Variants in TMEM39A observed in about 807,000 individuals in gnomAD.
The protein encoded by TMEM39A is suppressor of SQST-1 aggregates in rpl-43 mutants.
In TMEM39A, 19 loss-of-function variants were observed where a neutral mutation model predicts 51.9. That is an observed-to-expected ratio of 0.37 (90% CI 0.26 to 0.54). The LOEUF is 0.54. Ranked by LOEUF, TMEM39A falls within the 20% of genes least tolerant of loss-of-function variation. The probability of loss-of-function intolerance (pLI) is 0.88; values close to 1 mark genes in which losing one functional copy is unlikely to be tolerated. For missense variants in TMEM39A, 433 were observed against 590.5 expected (o/e 0.73, Z 2.76); for synonymous variants, 197 against 220.2 (o/e 0.89, Z 0.93).
Position 119,463,615 on chromosome 3 carries a change from G to T in TMEM39A, c.-354C>A. 2 of 398,806 alleles carry T rather than the reference G, an allele frequency of 5.0e-6. No individual in the cohort carries two copies. The highest frequency in any genetic ancestry group is 7.1e-5 in the East Asian group (2 of 28,082). The allele number at this position is 398,806 out of a possible 1,614,324, so 24.7% of individuals were successfully genotyped here. A position where few individuals can be genotyped will look rare whatever the true frequency, so the allele number is the denominator to read the frequency against. ...CCCTAGCCTCCATTACCGCGGAGCTGAGCAGACGTGGCAGCGCACGGCGAT... is the reference window on the plus strand; with the variant it reads ...CCCTAGCCTCCATTACCGCGGAGCTTAGCAGACGTGGCAGCGCACGGCGAT... On this transcript the variant is annotated 5_prime_UTR_variant, in exon 1 of 9. Transcript: ENST00000319172.
At chr3:119,440,386 CAT>C (rs937989706) in intron 5 of TMEM39A, among the ~76,000 whole-genome samples, 31 of 152,240 alleles carry the variant, frequency 2.0e-4, no homozygotes, top group African/African-American at 7.5e-4. Context: ...GGGTTAGTAA[CAT>C]GATTAAATTT....
At position 119,462,046 on chromosome 3, in the gene TMEM39A, C is replaced by T. The variant is rs2081345972; in HGVS notation, c.29G>A (p.Arg10Gln). Residue 10 changes from arginine to glutamine, a missense_variant, in exon 2 of 9, where the codon CGG (arginine) becomes CAG (glutamine). Arg to Gln is a conservative substitution (Grantham distance 43). This residue lies in a region of TMEM39A where 170 missense variants were observed against 239.8 expected (regional missense o/e 0.71). Transcript: ENST00000319172. ...TAAAGCTGAACGGCTTAGCTGTTGCCGACTAGGGCCCCTCCTTCCACCGGG... is the reference window on the plus strand; with the variant it reads ...TAAAGCTGAACGGCTTAGCTGTTGCTGACTAGGGCCCCTCCTTCCACCGGG... Reference protein sequence around the residue: MPGGRRGPSRQQLSRSALPS... With the variant: MPGGRRGPSQQQLSRSALPS... 1.2e-6 allele frequency: 2 copies of T among 1,614,076 alleles called. No individual in the cohort carries two copies. Among genetic ancestry groups the T allele is most frequent in the Non-Finnish European group, 1.7e-6 (2 of 1,179,980 alleles).
At chr3:119,451,430 C>T (rs1281984051) in intron 4 of TMEM39A, 3 of 571,750 alleles carry the variant, frequency 5.2e-6, no homozygotes, top group South Asian at 3.4e-5. Flanking sequence ...AAATTATTAG[C>T]CACTTCAGCT....
chr3:119,452,594 CAAG>C (rs1232073953), intron 3 of TMEM39A, 64 bp from the exon 4 acceptor site: 15 of 1,302,606 alleles, frequency 1.2e-5, no homozygotes, highest in Non-Finnish European at 1.6e-5. Flanking sequence ...GGCACTACTA[CAAG>C]AATAGAGGTT....
intron 5 of TMEM39A, among the ~76,000 whole-genome samples, chr3:119,446,017 T>G (rs1342878817): frequency 1.3e-5 from 2 of 152,170 alleles, no homozygotes; most frequent in Non-Finnish European, 2.9e-5. Context: ...ATACACTATG[T>G]TTTTTCCTAT....
chr3:119,452,435 A>C lies in TMEM39A; in HGVS notation c.420+12T>G, dbSNP rs1337840384. ...AGCTACATGTGATAGAATATAGTCA[A>C]TGAACTGTTACCTCTGAGATGAGAG... On this transcript the variant is annotated intron_variant, in intron 4 of 8. Coordinates refer to ENST00000319172, the MANE Select transcript of TMEM39A (RefSeq NM_018266.3). 6.2e-7 allele frequency: 1 copy of C among 1,609,648 alleles called. No individual in the cohort carries two copies. The highest frequency in any genetic ancestry group is 1.7e-5 in the Admixed American group (1 of 59,934).
chr3:119,443,645 G>A (rs914711307), intron 5 of TMEM39A, among the ~76,000 whole-genome samples: 13 of 152,194 alleles, frequency 8.5e-5, no homozygotes, highest in African/African-American at 3.1e-4. Context: ...GCTGGGCATG[G>A]TGGCTCCCCT....
chr3:119,439,887 C>T (rs1159286986), intron 5 of TMEM39A, among the ~76,000 whole-genome samples: 1 of 152,030 alleles, frequency 6.6e-6, no homozygotes, highest in African/African-American at 2.4e-5. Context: ...CCCGCCTCAG[C>T]CTCCTAAGTA....
At position 119,438,136 on chromosome 3, in the gene TMEM39A, A is replaced by T. The variant is rs779232114; in HGVS notation, c.576-33T>A. ...ACAAAGTGTGAAAATGAGACCACAG[A>T]TACCACCTAAAATCACACCTTATAA... is the stretch of plus-strand genomic sequence containing the variant. On this transcript the variant is annotated intron_variant, in intron 5 of 8. Coordinates refer to ENST00000319172, the MANE Select transcript of TMEM39A (RefSeq NM_018266.3). 8 of 1,518,288 alleles carry T rather than the reference A, an allele frequency of 5.3e-6. No individual in the cohort carries two copies. In the Middle Eastern group the frequency reaches 5.3e-4, roughly 100 times the overall value. The allele number at this position is 1,518,288 out of a possible 1,614,324, so 94.1% of individuals were successfully genotyped here. A position where few individuals can be genotyped will look rare whatever the true frequency, so the allele number is the denominator to read the frequency against.
At chr3:119,456,231 G>A (rs1437128137) in intron 3 of TMEM39A, among the ~76,000 whole-genome samples, 1 of 151,898 alleles carries the variant, frequency 6.6e-6, no homozygotes, top group Admixed American at 6.5e-5. Flanking sequence ...AAAACACCAT[G>A]GCCAAAAAGG....
rs776255806 is a variant in TMEM39A at position 119,436,750 on chromosome 3, T to C, written c.1112+41A>G. 13 of 1,547,350 alleles carry C rather than the reference T, an allele frequency of 8.4e-6. No homozygotes were observed. In the South Asian group the frequency reaches 1.3e-4, roughly 15 times the overall value. ...AAGCAAATAAACATGATCAGCAGCA[T>C]GTAGAAAGTGTTACATGGTTTTACC... is the stretch of plus-strand genomic sequence containing the variant. On this transcript the variant is annotated intron_variant, in intron 7 of 8. Coordinates refer to ENST00000319172, the MANE Select transcript of TMEM39A (RefSeq NM_018266.3).
chr3:119,460,507 T>C (rs1232203867), intron 2 of TMEM39A, among the ~76,000 whole-genome samples: 1 of 152,156 alleles, frequency 6.6e-6, no homozygotes, highest in Admixed American at 6.5e-5. Context: ...TTAAAACACA[T>C]AGGAAAATGA....
intron 5 of TMEM39A, chr3:119,446,730 G>C (rs1482606675): frequency 3.6e-6 from 1 of 280,182 alleles, no homozygotes; most frequent in East Asian, 7.8e-5. Flanking sequence ...AATATAGATA[G>C]CAAGAGGGGC....
At position 119,462,112 on chromosome 3, in the gene TMEM39A, T is replaced by G. The variant is rs762632484; in HGVS notation, c.-38A>C. 1 of 1,535,978 alleles carries G rather than the reference T, an allele frequency of 6.5e-7. No individual in the cohort carries two copies. The highest frequency in any genetic ancestry group is 9.0e-7 in the Non-Finnish European group (1 of 1,111,280). Reference sequence around the variant, plus strand: ...GTCTGCTTCCAGTGCCACCTGTAGTTGCAACCCAGGTTAATGGTTGTCAAC... The same window carrying G: ...GTCTGCTTCCAGTGCCACCTGTAGTGGCAACCCAGGTTAATGGTTGTCAAC... On this transcript the variant is annotated 5_prime_UTR_variant, in exon 2 of 9. Transcript: ENST00000319172.
Position 119,462,050 on chromosome 3 carries a change from T to G in TMEM39A, c.25A>C (p.Ser9Arg). 6.2e-7 allele frequency: 1 copy of G among 1,614,166 alleles called. No individual in the cohort carries two copies. The highest frequency in any genetic ancestry group is 8.5e-7 in the Non-Finnish European group (1 of 1,180,000). ...GCTGAACGGCTTAGCTGTTGCCGAC[T>G]AGGGCCCCTCCTTCCACCGGGCATG... MPGGRRGPSRQQLSRSALP... is the reference protein window; with the variant it reads MPGGRRGPRRQQLSRSALP... Residue 9 changes from serine to arginine, a missense_variant, in exon 2 of 9, where the codon AGT becomes CGT. By Grantham distance (110) the Ser-to-Arg change is moderately radical (BLOSUM62 -1). This residue lies in a region of TMEM39A where 170 missense variants were observed against 239.8 expected (regional missense o/e 0.71). Coordinates refer to ENST00000319172, the MANE Select transcript of TMEM39A (RefSeq NM_018266.3).
chr3:119,437,698 G>T, intron 6 of TMEM39A, 57 bp downstream of exon 6: 1 of 1,356,898 alleles, frequency 7.4e-7, no homozygotes, highest in Non-Finnish European at 1.0e-6. Context: ...GAAATACCCA[G>T]TTTATGTAAT....
chr3:119,432,879 G>A (rs1389895551), intron 8 of TMEM39A, among the ~76,000 whole-genome samples: 4 of 152,164 alleles, frequency 2.6e-5, no homozygotes, highest in African/African-American at 7.2e-5. Flanking sequence ...ACAAAGACAG[G>A]ATAAGGAGGA....
chr3:119,441,178 TA>T (rs2081048665), intron 5 of TMEM39A, among the ~76,000 whole-genome samples: 1 of 152,130 alleles, frequency 6.6e-6, no homozygotes, highest in Admixed American at 6.6e-5. Flanking sequence ...CTAATAACCC[TA>T]AATGGCCTCC....
intron 4 of TMEM39A, chr3:119,451,227 T>G (rs1290471272): frequency 4.7e-6 from 6 of 1,280,382 alleles, no homozygotes; most frequent in Non-Finnish European, 6.1e-6. Flanking sequence ...TTTGGTTAAC[T>G]TCAAATGGTT....
Sources: allele counts gnomAD v4.1 joint callset (sites outside exome capture counted in the v4.1 genomes callset), GRCh38; gene constraint gnomAD v4.1.1; regional missense constraint gnomAD v4.1.1; transcripts MANE v1.5; gene names NCBI Gene and HGNC (gene_info 2026-07-23, HGNC 2026-07-21).